Variants in CAMKMT observed in about 807,000 individuals in gnomAD.
CAMKMT encodes the protein calmodulin-lysine N-methyltransferase.
A neutral mutation model predicts 48.0 loss-of-function variants in CAMKMT; 53 were observed. That is an observed-to-expected ratio of 1.10 (90% CI 0.89 to 1.39). The LOEUF (loss-of-function observed/expected upper bound fraction) is 1.39. Ranked by LOEUF, CAMKMT falls within the 40% of genes most tolerant of loss-of-function variation. The pLI, the probability that CAMKMT is intolerant of heterozygous loss-of-function variation, is 0.00. For synonymous variants in CAMKMT, 165 were observed against 152.3 expected (o/e 1.08, Z -0.61); for missense variants, 428 against 402.7 (o/e 1.06, Z -0.54).
At chr2:44,724,089 C>T (rs767773630) in intron 7 of CAMKMT, among the ~76,000 whole-genome samples, 1 of 152,066 alleles carries the variant, frequency 6.6e-6, no homozygotes, top group African/African-American at 2.4e-5. Context: ...ATGCTTGGGA[C>T]TAAAAAGCCT....
chr2:44,474,275 A>G (rs1034332723), intron 3 of CAMKMT, among the ~76,000 whole-genome samples: 3 of 151,924 alleles, frequency 2.0e-5, no homozygotes, highest in African/African-American at 7.3e-5. Flanking sequence ...GTGAAACCCC[A>G]TCTCTACTAA....
At chr2:44,509,738 G>A (rs1670443101) in intron 3 of CAMKMT, among the ~76,000 whole-genome samples, 1 of 152,284 alleles carries the variant, frequency 6.6e-6, no homozygotes, top group South Asian at 2.1e-4. Flanking sequence ...TCTCATGGGA[G>A]TGAGTTGTCA....
chr2:44,363,697 T>TC (rs1301744778), intron 1 of CAMKMT, among the ~76,000 whole-genome samples: 1 of 150,240 alleles, frequency 6.7e-6, no homozygotes, highest in East Asian at 1.9e-4. Flanking sequence ...TCTTTTTTTT[T>TC]TTTTTTTTTC....
chr2:44,414,882 G>A (rs913782523), intron 3 of CAMKMT, among the ~76,000 whole-genome samples: 2 of 152,360 alleles, frequency 1.3e-5, no homozygotes, highest in Non-Finnish European at 1.5e-5. Context: ...TCGGCCAGGC[G>A]TGGTGGCTTA....
chr2:44,373,830 A>G (rs972932885), intron 2 of CAMKMT, among the ~76,000 whole-genome samples: 3 of 152,170 alleles, frequency 2.0e-5, no homozygotes, highest in Non-Finnish European at 4.4e-5. Context: ...ATACTATTTT[A>G]CTGAAAATGC....
chr2:44,732,154 A>T (rs1679110145), intron 7 of CAMKMT, among the ~76,000 whole-genome samples: 1 of 151,998 alleles, frequency 6.6e-6, no homozygotes, highest in Non-Finnish European at 1.5e-5. Flanking sequence ...GGGTCTCACT[A>T]TGTTGCTTAG....
chr2:44,699,753 C>T (rs1051652842), intron 3 of CAMKMT, among the ~76,000 whole-genome samples: 2 of 152,120 alleles, frequency 1.3e-5, no homozygotes, highest in East Asian at 1.9e-4. Context: ...CCGATAGGCA[C>T]CTGCCACTGA....
chr2:44,412,976 G>C (rs979610093), intron 3 of CAMKMT, among the ~76,000 whole-genome samples: 6 of 151,680 alleles, frequency 4.0e-5, no homozygotes, highest in African/African-American at 1.5e-4. Flanking sequence ...TTAGGGGGGC[G>C]GAGGCAGGAG....
At chr2:44,687,211 T>C (rs879711088) in intron 3 of CAMKMT, among the ~76,000 whole-genome samples, 28 of 152,342 alleles carry the variant, frequency 1.8e-4, no homozygotes, top group Non-Finnish European at 2.6e-4. Context: ...TTTTAATTTT[T>C]ATGTTAAATG....
At chr2:44,405,010 A>C (rs973152176) in intron 3 of CAMKMT, among the ~76,000 whole-genome samples, 30 of 152,242 alleles carry the variant, frequency 2.0e-4, no homozygotes, top group Admixed American at 8.5e-4. Flanking sequence ...GTTGTGTTTA[A>C]ATTTCTTAGA....
intron 3 of CAMKMT, among the ~76,000 whole-genome samples, chr2:44,391,616 A>G (rs1429518273): frequency 6.6e-6 from 1 of 152,152 alleles, no homozygotes; most frequent in African/African-American, 2.4e-5. Context: ...TAGAATGTTA[A>G]ATGTGGAATT....
chr2:44,514,332 CTAGA>C (rs1200296197), intron 3 of CAMKMT, among the ~76,000 whole-genome samples: 2 of 150,140 alleles, frequency 1.3e-5, no homozygotes, highest in Non-Finnish European at 1.5e-5. Context: ...TGGTGACTGA[CTAGA>C]TAGAGAGGCT....
Position 44,618,430 on chromosome 2 carries a change from C to T in CAMKMT, c.377-85853C>T, listed in dbSNP as rs1431739018. Among the ~76,000 whole-genome samples the T allele has an allele frequency of 6.6e-6, 1 of 152,206 alleles. No individual in the cohort carries two copies. Among genetic ancestry groups the T allele is most frequent in the Non-Finnish European group, 1.5e-5 (1 of 68,036 alleles). Reference sequence around the variant, plus strand: ...CTGTCAGCAGAACCAATTAGATTTTCAACCAGTAGACAAGAAGGGTGGCAC... The same window carrying T: ...CTGTCAGCAGAACCAATTAGATTTTTAACCAGTAGACAAGAAGGGTGGCAC... On this transcript the variant is annotated intron_variant, in intron 3 of 10. Coordinates refer to ENST00000378494, the MANE Select transcript of CAMKMT (RefSeq NM_024766.5). This position sits in a 1 kb window ranked among gnomAD's most constrained non-coding sequence, Gnocchi z 4.0.
chr2:44,692,472 A>C (rs1457678110), intron 3 of CAMKMT, among the ~76,000 whole-genome samples: 2 of 152,168 alleles, frequency 1.3e-5, no homozygotes, highest in Non-Finnish European at 2.9e-5. Context: ...TATTTCCTTC[A>C]CAGCACTATT....
At chr2:44,497,711 G>A (rs1193022880) in intron 3 of CAMKMT, among the ~76,000 whole-genome samples, 1 of 43,806 alleles carries the variant, frequency 2.3e-5, no homozygotes, top group African/African-American at 4.8e-5. Flanking sequence ...AGCAGGCAAA[G>A]AGAGAGAGAG....
intron 3 of CAMKMT, among the ~76,000 whole-genome samples, chr2:44,664,960 T>A (rs923762990): frequency 1.4e-4 from 21 of 152,228 alleles, no homozygotes; most frequent in Admixed American, 1.3e-3. Flanking sequence ...CTATAAAAGA[T>A]ACTGCTATTC....
chr2:44,582,895 C>T (rs898220230), intron 3 of CAMKMT, among the ~76,000 whole-genome samples: 8 of 152,190 alleles, frequency 5.3e-5, no homozygotes, highest in East Asian at 1.9e-4. Flanking sequence ...GTAAGCTTTT[C>T]GAGAGAAGCC....
chr2:44,596,569 A>T (rs1376445184), intron 3 of CAMKMT, among the ~76,000 whole-genome samples: 2 of 152,164 alleles, frequency 1.3e-5, no homozygotes, highest in African/African-American at 4.8e-5. Flanking sequence ...CCCCCATCTG[A>T]TTCTGTAGTA....
chr2:44,762,122 A>T (rs995260127), intron 9 of CAMKMT, among the ~76,000 whole-genome samples: 1 of 152,254 alleles, frequency 6.6e-6, no homozygotes, highest in Non-Finnish European at 1.5e-5. Flanking sequence ...AAGAGAAGCT[A>T]CAAAAGGAGA....
Sources: gnomAD v4.1 joint callset for allele counts (sites outside exome capture counted in the v4.1 genomes callset) on GRCh38, gnomAD v4.1.1 for gene constraint, Gnocchi (gnomAD v3.1) non-coding constraint, MANE v1.5 for transcripts, NCBI Gene and HGNC (gene_info 2026-07-23, HGNC 2026-07-21) for gene names.